The following TSPAN4 variants were observed in gnomAD, a reference collection of about 807,000 sequenced individuals.
The protein encoded by TSPAN4 is tetraspanin 4, also known as tetraspanin-4.
Under a neutral mutation model 31.5 loss-of-function variants are expected in TSPAN4, and 38 were observed. The ratio of observed to expected loss-of-function variants is 1.21; its 90% confidence interval spans 0.93 to 1.58. The LOEUF (loss-of-function observed/expected upper bound fraction) is 1.58. Among genes scored for constraint, TSPAN4 ranks in the 40% most tolerant of loss-of-function variants. The pLI, the probability that TSPAN4 is intolerant of heterozygous loss-of-function variation, is 0.00. For synonymous variants in TSPAN4, 186 were observed against 144.6 expected, an observed-to-expected ratio of 1.29 and a Z score of -2.06; for missense variants, 330 against 317.3, an observed-to-expected ratio of 1.04 and a Z score of -0.30.
chr11:864,424 GC>G lies in TSPAN4; in HGVS notation c.256-8del. On this transcript the variant is annotated splice_polypyrimidine_tract_variant and intron_variant, in intron 4 of 8. Transcript: ENST00000397397. The stretch of plus-strand genomic sequence containing the variant: ...GCCTTTCGGGTCCCTGTCTGAGCCT[GC>G]CCCCTCCACAGTTCTTCCTGCTGCT... 1 of 1,611,542 alleles carries G rather than the reference GC, an allele frequency of 6.2e-7. No homozygotes were observed.
chr11:850,722 C>T (rs536960268), intron 3 of TSPAN4, among the ~76,000 whole-genome samples: 15 of 152,190 alleles, frequency 9.9e-5, no homozygotes, highest in Non-Finnish European at 2.1e-4. Context: ...GGTTCGAGTC[C>T]GGGTCGTGGC....
rs899028631 is a variant in TSPAN4 at position 866,929 on chromosome 11, G to A, written c.*299G>A. The A allele has an allele frequency of 1.4e-5, 4 of 288,326 alleles. No homozygotes were observed. Among genetic ancestry groups the A allele is most frequent in the Non-Finnish European group, 2.6e-5 (4 of 153,558 alleles). 17.9% of individuals were successfully genotyped at this position (288,326 alleles called of 1,614,324 possible). A position where few individuals can be genotyped will look rare whatever the true frequency, so the allele number is the denominator to read the frequency against. ...GTATTCTCCAAAGCAGTGTTCACAC[G>A]GGAGCCAGCCTGTGGCCCCCAGCCT... is the stretch of plus-strand genomic sequence containing the variant. On this transcript the variant is annotated 3_prime_UTR_variant, in exon 9 of 9. Coordinates refer to ENST00000397397, the MANE Select transcript of TSPAN4 (RefSeq NM_003271.5).
rs955245584 is a variant in TSPAN4 at position 862,575 on chromosome 11, T to C, written c.89T>C (p.Val30Ala). 1 of 1,610,536 alleles carries C rather than the reference T, an allele frequency of 6.2e-7. No homozygotes were observed. The highest frequency in any genetic ancestry group is 8.5e-7 in the Non-Finnish European group (1 of 1,178,958). ...FWLGGCGVLG[V>A]GIWLAATQGS... ...CTGGGAGGCTGTGGCGTGCTGGGTG[T>C]CGGCATCTGGCTGGCCGCCACACAG... Residue 30 changes from valine to alanine, a missense_variant, in exon 4 of 9, where the codon GTC (valine) becomes GCC (alanine). Val to Ala is a moderately conservative substitution (Grantham distance 64, BLOSUM62 0). Coordinates refer to ENST00000397397, the MANE Select transcript of TSPAN4 (RefSeq NM_003271.5).
intron 3 of TSPAN4, chr11:857,295 GAC>G (rs1848106538): frequency 1.3e-5 from 2 of 152,094 alleles, no homozygotes; most frequent in East Asian, 1.9e-4. Context: ...TGTGTCCTTC[GAC>G]ACATCCCCAT....
At chr11:849,755 A>AG (rs1224728666) in intron 2 of TSPAN4, 4 of 38,044 alleles carry the variant, frequency 1.1e-4, no homozygotes, top group Non-Finnish European at 2.2e-4. Context: ...CGAGGAGGGG[A>AG]GGGGTCCGCG....
At chr11:846,271 C>G (rs990089423) in intron 1 of TSPAN4, among the ~76,000 whole-genome samples, 1 of 152,228 alleles carries the variant, frequency 6.6e-6, no homozygotes, top group African/African-American at 2.4e-5. Context: ...AGACAGGCTG[C>G]TTTATCATGT....
At position 848,891 on chromosome 11, in the gene TSPAN4, G is replaced by A. The variant is rs1847467395; in HGVS notation, c.-17-1397G>A. 6 of 712,958 alleles carry A rather than the reference G, an allele frequency of 8.4e-6. No individual in the cohort carries two copies. Among genetic ancestry groups the A allele is most frequent in the East Asian group, 2.7e-5 (1 of 37,038 alleles). The allele number at this position is 712,958 out of a possible 1,614,324, so 44.2% of individuals were successfully genotyped here. On this transcript the variant is annotated intron_variant, in intron 2 of 8. Transcript: ENST00000397397. This position sits in a 1 kb window ranked among gnomAD's most constrained non-coding sequence, Gnocchi z 5.7. ...TGTGGGAGGTGTGTGCGCATCCGGCGTGATGACACCCAGGAGTGCAGGCAC... is the reference window on the plus strand; with the variant it reads ...TGTGGGAGGTGTGTGCGCATCCGGCATGATGACACCCAGGAGTGCAGGCAC...
At chr11:860,577 G>C (rs912353324) in intron 3 of TSPAN4, among the ~76,000 whole-genome samples, 2 of 152,298 alleles carry the variant, frequency 1.3e-5, no homozygotes, top group Admixed American at 6.5e-5. Context: ...GGCCTGTCTT[G>C]AGCTGGGCTG....
chr11:844,707 G>GT (rs1491159972), intron 1 of TSPAN4: 12 of 91,276 alleles, frequency 1.3e-4, no homozygotes, highest in African/African-American at 6.2e-4. Flanking sequence ...CCTGGCTTCT[G>GT]GGGGGGGGGG....
chr11:850,363 TC>T lies in TSPAN4; in HGVS notation c.60del (p.Trp21GlyfsTer99). 6.2e-7 allele frequency: 1 copy of T among 1,602,222 alleles called. No homozygotes were observed. The highest frequency in any genetic ancestry group is 8.5e-7 in the Non-Finnish European group (1 of 1,178,576). On this transcript the variant is annotated frameshift_variant, in exon 3 of 9. Transcript: ENST00000397397. LOFTEE classifies it high-confidence loss of function. ...CTCATGTTCGCCTTCAACCTGCTCT[TC>T]TGGGTGAGTCCGGGGGCCGGGGTGG... is the stretch of plus-strand genomic sequence containing the variant. ...KYLMFAFNLL[F>X]WLGGCGVLGV...
At chr11:856,558 G>A (rs1041098844) in intron 3 of TSPAN4, among the ~76,000 whole-genome samples, 2 of 152,244 alleles carry the variant, frequency 1.3e-5, no homozygotes, top group Admixed American at 6.5e-5. Flanking sequence ...CTGGCCTGCG[G>A]CGGGGCAGCA....
rs1415882667 is a variant in TSPAN4 at position 866,014 on chromosome 11, G to A, written c.648+13G>A. 6.2e-7 allele frequency: 1 copy of A among 1,610,734 alleles called. No individual in the cohort carries two copies. Among genetic ancestry groups the A allele is most frequent in the Admixed American group, 1.7e-5 (1 of 59,932 alleles). On this transcript the variant is annotated intron_variant, in intron 8 of 8. Coordinates refer to ENST00000397397, the MANE Select transcript of TSPAN4 (RefSeq NM_003271.5). ...GGCGCTGGTGCAGGTATGGCCTGGG[G>A]GCCTGCGGGCTCCCTGCCCCCACTT...
At chr11:852,205 C>G (rs888573418) in intron 3 of TSPAN4, among the ~76,000 whole-genome samples, 1 of 152,208 alleles carries the variant, frequency 6.6e-6, no homozygotes, top group African/African-American at 2.4e-5. Flanking sequence ...TCACTGCAAC[C>G]TTCCATCTCT....
At chr11:864,292 C>CT (rs1357794824) in intron 4 of TSPAN4, 145 bp from the exon 5 acceptor site, 13 of 972,936 alleles carry the variant, frequency 1.3e-5, no homozygotes, top group Non-Finnish European at 2.0e-5. Context: ...GGGCGGCGTT[C>CT]TGGGCTCTCT....
chr11:866,539 C>T, intron 8 of TSPAN4, 23 bp from the exon 9 acceptor site: 1 of 1,610,548 alleles, frequency 6.2e-7, no homozygotes, highest in African/African-American at 1.3e-5. Flanking sequence ...CTGCCATGCC[C>T]AGTCCTCCTC....
At chr11:861,718 AAAAC>A (rs1848468718) in intron 3 of TSPAN4, among the ~76,000 whole-genome samples, 1 of 152,000 alleles carries the variant, frequency 6.6e-6, no homozygotes, top group African/African-American at 2.4e-5. Flanking sequence ...TATCAAAAAA[AAAAC>A]AAAAAAGACT....
rs1267445447 is a variant in TSPAN4, at chr11:848,540, C to T, written c.-18+1240C>T. 6.6e-6 allele frequency among the ~76,000 whole-genome samples: 1 copy of T among 152,128 alleles called. No homozygotes were observed. The highest frequency in any genetic ancestry group is 1.5e-5 in the Non-Finnish European group (1 of 67,992). ...AGGGGTGGGCAGAGCTGCGGGACCT[C>T]CCTGGGCACCCGGGGCTTCCACGGC... On this transcript the variant is annotated intron_variant, in intron 2 of 8. Coordinates refer to ENST00000397397, the MANE Select transcript of TSPAN4 (RefSeq NM_003271.5). This position sits in a 1 kb window ranked among gnomAD's most constrained non-coding sequence, Gnocchi z 5.7.
chr11:845,349 A>G (rs1020974549), intron 1 of TSPAN4, among the ~76,000 whole-genome samples: 2 of 151,914 alleles, frequency 1.3e-5, no homozygotes, highest in African/African-American at 4.8e-5. Flanking sequence ...CGGTCCTGGG[A>G]GACTGGCGTT....
At chr11:855,895 T>G (rs1376696656) in intron 3 of TSPAN4, among the ~76,000 whole-genome samples, 3 of 152,134 alleles carry the variant, frequency 2.0e-5, no homozygotes, top group African/African-American at 7.2e-5. Flanking sequence ...TCCAAGGACG[T>G]GGCTGGCAGC....
Sources: allele counts gnomAD v4.1 joint callset (sites outside exome capture counted in the v4.1 genomes callset), GRCh38; gene constraint gnomAD v4.1.1; non-coding constraint Gnocchi (gnomAD v3.1); transcripts MANE v1.5; gene names NCBI Gene and HGNC (gene_info 2026-07-23, HGNC 2026-07-21).